The following PKP4 variants were observed in gnomAD, a reference collection of about 807,000 sequenced individuals.
PKP4 encodes the protein plakophilin 4.
PKP4 carries 90 observed loss-of-function variants against 145.1 expected under a neutral mutation model. That is an observed-to-expected ratio of 0.62 (90% CI 0.52 to 0.74). The LOEUF is 0.74. Ranked by LOEUF, PKP4 falls within the 30% of genes least tolerant of loss-of-function variation. PKP4 has a pLI of 0.00. For synonymous variants in PKP4, 563 were observed against 577.2 expected, an observed-to-expected ratio of 0.98 and a Z score of 0.35; for missense variants, 1,340 against 1,482.7, an observed-to-expected ratio of 0.90 and a Z score of 1.58.
chr2:158,514,382 T>A (rs1301058831), intron 1 of PKP4, among the ~76,000 whole-genome samples: 1 of 152,274 alleles, frequency 6.6e-6, no homozygotes, highest in Non-Finnish European at 1.5e-5. Flanking sequence ...TAGTGGTTGT[T>A]ATTTTTTCTT....
At chr2:158,523,215 A>G (rs1269035399) in intron 1 of PKP4, among the ~76,000 whole-genome samples, 1 of 151,130 alleles carries the variant, frequency 6.6e-6, no homozygotes, top group Non-Finnish European at 1.5e-5. Context: ...TAACCTCTGC[A>G]GACTTAAATG....
At chr2:158,649,937 G>A (rs1436477297) in intron 11 of PKP4, among the ~76,000 whole-genome samples, 2 of 152,230 alleles carry the variant, frequency 1.3e-5, no homozygotes, top group African/African-American at 2.4e-5. Context: ...CCAGACAACT[G>A]GGTTGAAGAT....
At position 158,621,323 on chromosome 2, in the gene PKP4, G is replaced by A. The variant is rs750033852; in HGVS notation, c.505G>A (p.Val169Met). 3.8e-5 allele frequency: 62 copies of A among 1,614,018 alleles called. No individual in the cohort carries two copies. Among genetic ancestry groups the A allele is most frequent in the Middle Eastern group, 3.3e-4 (2 of 6,084 alleles). The change falls in exon 6 of 22, where the codon GTG becomes ATG. Residue 169 changes from valine to methionine, a missense_variant. Transcript: ENST00000389759. Reference sequence around the variant, plus strand: ...AGGGAGTTTCCACAACAGCCAGAACGTGAGCAAGGCAGACAACAGACAGCA... The same window carrying A: ...AGGGAGTTTCCACAACAGCCAGAACATGAGCAAGGCAGACAACAGACAGCA... ...EAGSFHNSQN[V>M]SKADNRQQHS...
chr2:158,558,581 G>T (rs1009796057), intron 2 of PKP4, among the ~76,000 whole-genome samples: 1 of 152,124 alleles, frequency 6.6e-6, no homozygotes, highest in African/African-American at 2.4e-5. Flanking sequence ...ACCTTGGAGA[G>T]AACAGTTGGT....
intron 4 of PKP4, 112 bp from the exon 5 acceptor site, chr2:158,620,878 C>A: frequency 1.2e-6 from 1 of 820,930 alleles, no homozygotes; most frequent in Non-Finnish European, 2.0e-6. Flanking sequence ...AAAATAATAG[C>A]CTTGTATTAG....
chr2:158,481,507 A>G (rs1693350163), intron 1 of PKP4, among the ~76,000 whole-genome samples: 1 of 152,134 alleles, frequency 6.6e-6, no homozygotes, highest in South Asian at 2.1e-4. Flanking sequence ...CTTTCCCACT[A>G]GCAGAGTATG....
intron 7 of PKP4, among the ~76,000 whole-genome samples, chr2:158,626,709 T>TG: frequency 6.6e-6 from 1 of 152,308 alleles, no homozygotes; most frequent in Non-Finnish European, 1.5e-5. Context: ...GCCAATCTGA[T>TG]AGGTAAAAAG....
At chr2:158,619,215 A>T (rs1437644133) in intron 4 of PKP4, among the ~76,000 whole-genome samples, 1 of 152,236 alleles carries the variant, frequency 6.6e-6, no homozygotes, top group Non-Finnish European at 1.5e-5. Context: ...TGGAAAACTC[A>T]TGATAGAAGA....
intron 2 of PKP4, among the ~76,000 whole-genome samples, chr2:158,574,567 C>G (rs2047683769): frequency 6.6e-6 from 1 of 152,180 alleles, no homozygotes; most frequent in South Asian, 2.1e-4. Flanking sequence ...ATCTTGGTGC[C>G]ATTCACATGT....
chr2:158,673,500 C>T (rs755659157), intron 17 of PKP4, among the ~76,000 whole-genome samples, 177 bp from the exon 18 acceptor site: 13 of 152,322 alleles, frequency 8.5e-5, no homozygotes, highest in Non-Finnish European at 1.5e-4. Context: ...TTGCCAGTTC[C>T]GAACCTGATC....
At chr2:158,562,536 T>G (rs1340253973) in intron 2 of PKP4, among the ~76,000 whole-genome samples, 3 of 152,170 alleles carry the variant, frequency 2.0e-5, no homozygotes. Flanking sequence ...GATGAAAAAG[T>G]TCTGGAGATG....
chr2:158,538,859 T>C (rs995666265), intron 2 of PKP4, among the ~76,000 whole-genome samples: 2 of 152,162 alleles, frequency 1.3e-5, no homozygotes, highest in African/African-American at 2.4e-5. Flanking sequence ...CGCATTCTTA[T>C]ATTTTTGGTT....
intron 2 of PKP4, among the ~76,000 whole-genome samples, chr2:158,555,427 A>T (rs763869917): frequency 3.3e-5 from 5 of 152,214 alleles, no homozygotes; most frequent in Non-Finnish European, 7.3e-5. Context: ...CTGCACTACA[A>T]ATATAAGTGT....
intron 1 of PKP4, among the ~76,000 whole-genome samples, chr2:158,529,411 A>G (rs368368009): frequency 2.6e-5 from 4 of 152,124 alleles, no homozygotes; most frequent in African/African-American, 9.7e-5. Context: ...GTGAGCTTTG[A>G]GCTCATAAAA....
At chr2:158,555,772 A>C (rs994598362) in intron 2 of PKP4, among the ~76,000 whole-genome samples, 1 of 152,180 alleles carries the variant, frequency 6.6e-6, no homozygotes, top group Non-Finnish European at 1.5e-5. Context: ...AGGGTGGCTG[A>C]CAGTTTGAGT....
intron 11 of PKP4, among the ~76,000 whole-genome samples, chr2:158,651,152 G>A (rs776670522): frequency 7.9e-5 from 12 of 152,070 alleles, no homozygotes; most frequent in Non-Finnish European, 1.3e-4. Context: ...CTTAGATTTC[G>A]TAATTTGTTG....
At chr2:158,628,871 C>T (rs758830786) in intron 7 of PKP4, among the ~76,000 whole-genome samples, 7 of 152,152 alleles carry the variant, frequency 4.6e-5, no homozygotes, top group Non-Finnish European at 7.3e-5. Flanking sequence ...ATCCAGTCTT[C>T]GGCTTGGCTC....
chr2:158,504,091 C>T (rs1174710369), intron 1 of PKP4, among the ~76,000 whole-genome samples: 1 of 144,484 alleles, frequency 6.9e-6, no homozygotes, highest in Non-Finnish European at 1.5e-5. Flanking sequence ...TCTTGTTGTT[C>T]TCATAATATT....
intron 1 of PKP4, among the ~76,000 whole-genome samples, chr2:158,523,196 A>C (rs572596535): frequency 6.8e-6 from 1 of 147,240 alleles, no homozygotes; most frequent in East Asian, 2.0e-4. Flanking sequence ...ACAAACAAAA[A>C]GACAGCAGTA....
Sources: gnomAD v4.1 joint callset for allele counts (sites outside exome capture counted in the v4.1 genomes callset) on GRCh38, gnomAD v4.1.1 for gene constraint, MANE v1.5 for transcripts, NCBI Gene and HGNC (gene_info 2026-07-23, HGNC 2026-07-21) for gene names.